Variants in DMD observed in about 807,000 individuals in gnomAD.
DMD encodes mutant dystrophin.
DMD carries 63 observed loss-of-function variants against 330.1 expected under a neutral mutation model. The observed-to-expected ratio is 0.19, with a 90% CI of 0.16 to 0.24. DMD has a LOEUF of 0.24. Ranked by LOEUF, DMD falls within the 10% of genes least tolerant of loss-of-function variation. DMD has a pLI of 1.00. For missense variants in DMD, 3,344 were observed against 2,684.1 expected (o/e 1.25, Z -5.43); for synonymous variants, 1,223 against 959.8 (o/e 1.27, Z -5.07).
At chrX:31,158,604 T>G (rs1171024975) in intron 74 of DMD, among the ~76,000 whole-genome samples, 2 of 112,014 alleles carry the variant, frequency 1.8e-5, no homozygotes, top group East Asian at 2.8e-4. Context: ...TATTAACTAA[T>G]AATCAGTGAC....
At chrX:32,005,449 T>C (rs2095655159) in intron 44 of DMD, among the ~76,000 whole-genome samples, 2 of 110,876 alleles carry the variant, frequency 1.8e-5, no homozygotes, top group Non-Finnish European at 3.8e-5. Flanking sequence ...AATTCTTTCT[T>C]GGGATGGATG....
At chrX:31,947,178 T>C (rs998146328) in intron 45 of DMD, among the ~76,000 whole-genome samples, 6 of 111,383 alleles carry the variant, frequency 5.4e-5, no homozygotes, top group Admixed American at 2.9e-4. Context: ...TCTCCTGGGG[T>C]GTGGTAGCAT....
At chrX:32,589,464 GCA>G (rs1236292733) in intron 13 of DMD, among the ~76,000 whole-genome samples, 6 of 109,766 alleles carry the variant, frequency 5.5e-5, no homozygotes, top group Non-Finnish European at 1.1e-4. Context: ...ATATACATAT[GCA>G]CAAAGATGTA....
At chrX:31,123,209 C>A (rs765672063) in intron 78 of DMD, among the ~76,000 whole-genome samples, 1 of 111,074 alleles carries the variant, frequency 9.0e-6, no homozygotes, top group African/African-American at 3.3e-5. Context: ...GGCACCAGAT[C>A]AACTGAAGAC....
chrX:32,020,538 G>A (rs967483195), intron 44 of DMD, among the ~76,000 whole-genome samples: 6 of 111,366 alleles, frequency 5.4e-5, no homozygotes, highest in Admixed American at 4.8e-4. Flanking sequence ...TAAGTCTAAT[G>A]TCCTCATAAA....
At chrX:32,757,102 C>G (rs1273262444) in intron 7 of DMD, among the ~76,000 whole-genome samples, 1 of 111,536 alleles carries the variant, frequency 9.0e-6, no homozygotes, top group African/African-American at 3.3e-5. Flanking sequence ...TACAATATAT[C>G]TTGATAGGCA....
Position 33,332,764 on chromosome X carries a change from C to CT in DMD, c.7+6494dup, listed in dbSNP as rs1182282348. The stretch of plus-strand genomic sequence containing the variant: ...TAAACTTCTAGGAGCTTTTTGTTTG[C>CT]TTTTTTGTTATTTTAATAAGAGAAA... On this transcript the variant is annotated intron_variant, in intron 1 of 17. Transcript: ENST00000288447. 2.7e-5 allele frequency among the ~76,000 whole-genome samples: 3 copies of CT among 111,449 alleles called. No individual in the cohort carries two copies. The East Asian group carries it at 8.4e-4, about 31-fold the overall frequency.
At chrX:32,559,869 T>C (rs1348913039) in intron 16 of DMD, among the ~76,000 whole-genome samples, 2 of 111,671 alleles carry the variant, frequency 1.8e-5, no homozygotes, top group Non-Finnish European at 3.8e-5. Flanking sequence ...ATAGATGATA[T>C]AGAAGGTACA....
chrX:31,507,154 G>T, intron 56 of DMD, 127 bp downstream of exon 56: 1 of 653,617 alleles, frequency 1.5e-6, no homozygotes, highest in Non-Finnish European at 2.5e-6. Context: ...TCAAAATACA[G>T]TGAATCATTC....
At chrX:32,514,193 C>T (rs1218658400) in intron 18 of DMD, among the ~76,000 whole-genome samples, 1 of 104,298 alleles carries the variant, frequency 9.6e-6, no homozygotes, top group African/African-American at 3.5e-5. Context: ...CAGAGATGAG[C>T]CTCAACCAGG....
At chrX:33,246,865 T>C (rs1272719284) in intron 1 of DMD, among the ~76,000 whole-genome samples, 1 of 110,010 alleles carries the variant, frequency 9.1e-6, no homozygotes, top group African/African-American at 3.3e-5. Flanking sequence ...TTTGTAGTTT[T>C]AGTAGAGACG....
chrX:32,738,474 C>T (rs985109486), intron 7 of DMD, among the ~76,000 whole-genome samples: 1 of 111,401 alleles, frequency 9.0e-6, no homozygotes, highest in African/African-American at 3.3e-5. Flanking sequence ...AGTTCCTAGC[C>T]CTTAATAAAG....
At chrX:32,170,759 T>C (rs947634207) in intron 44 of DMD, among the ~76,000 whole-genome samples, 2 of 110,499 alleles carry the variant, frequency 1.8e-5, no homozygotes, top group Non-Finnish European at 1.9e-5. Flanking sequence ...TACCAATATC[T>C]CTGTCTCTAC....
chrX:31,304,215 T>C (rs747059782), intron 62 of DMD, among the ~76,000 whole-genome samples: 9 of 111,982 alleles, frequency 8.0e-5, no homozygotes, highest in South Asian at 3.7e-4. Flanking sequence ...ATGGGTGAAA[T>C]TGGTCATTTA....
chrX:32,110,359 T>C (rs1258046177), intron 44 of DMD, among the ~76,000 whole-genome samples: 1 of 111,933 alleles, frequency 8.9e-6, no homozygotes, highest in Non-Finnish European at 1.9e-5. Context: ...TGGAATCAAC[T>C]AGTTTCCACA....
At chrX:31,694,649 T>TATATAC (rs1156942395) in intron 52 of DMD, among the ~76,000 whole-genome samples, 2 of 75,641 alleles carry the variant, frequency 2.6e-5, no homozygotes, top group African/African-American at 1.2e-4. Flanking sequence ...TATATATATA[T>TATATAC]ACACACACAT....
At chrX:31,636,894 AAT>A (rs2079447162) in intron 54 of DMD, among the ~76,000 whole-genome samples, 1 of 111,828 alleles carries the variant, frequency 8.9e-6, no homozygotes, top group Non-Finnish European at 1.9e-5. Flanking sequence ...GCATTAATCG[AAT>A]ATTTTAATTC....
At chrX:32,465,883 C>A (rs1332503763) in intron 23 of DMD, among the ~76,000 whole-genome samples, 2 of 111,119 alleles carry the variant, frequency 1.8e-5, no homozygotes, top group East Asian at 2.8e-4. Context: ...TACGCCTGGG[C>A]TGTTCAGGTC....
At chrX:32,497,001 A>T (rs1441464901) in intron 19 of DMD, among the ~76,000 whole-genome samples, 1 of 111,915 alleles carries the variant, frequency 8.9e-6, no homozygotes, top group Non-Finnish European at 1.9e-5. Flanking sequence ...ATGTCTTGCC[A>T]TTAAAATATA....
Sources: gnomAD v4.1 joint callset for allele counts (sites outside exome capture counted in the v4.1 genomes callset) on GRCh38, gnomAD v4.1.1 for gene constraint, MANE v1.5 for transcripts, NCBI Gene and HGNC (gene_info 2026-07-23, HGNC 2026-07-21) for gene names.